MVB12B: variants seen among roughly 807,000 people sequenced by gnomAD.
MVB12B encodes the protein ESCRT-I complex subunit MVB12B.
In MVB12B, 16 loss-of-function variants were observed where a neutral mutation model predicts 41.6. The ratio of observed to expected loss-of-function variants is 0.38; its 90% CI spans 0.26 to 0.58. The LOEUF is 0.58. Ranked by LOEUF, MVB12B falls within the 20% of genes least tolerant of loss-of-function variation. The pLI is 0.62. For synonymous variants in MVB12B, 133 were observed against 139.7 expected (o/e 0.95, Z 0.34); for missense variants, 274 against 380.2 (o/e 0.72, Z 2.32).
At chr9:126,498,069 G>A (rs1203245116) in intron 9 of MVB12B, among the ~76,000 whole-genome samples, 1 of 152,208 alleles carries the variant, frequency 6.6e-6, no homozygotes, top group Admixed American at 6.5e-5. Flanking sequence ...TGGGCACTGT[G>A]CTGGGCCCTG....
intron 2 of MVB12B, among the ~76,000 whole-genome samples, chr9:126,370,177 G>C (rs1442462670): frequency 6.6e-6 from 1 of 152,016 alleles, no homozygotes; most frequent in Non-Finnish European, 1.5e-5. Context: ...TTTCTCTAGG[G>C]AACAAGTTAG....
At chr9:126,449,352 T>G (rs1272067969) in intron 7 of MVB12B, among the ~76,000 whole-genome samples, 2 of 152,160 alleles carry the variant, frequency 1.3e-5, no homozygotes, top group Non-Finnish European at 2.9e-5. Context: ...AGAACCATCC[T>G]GGCAGATGGC....
rs1175397537 is a variant in MVB12B at position 126,459,319 on chromosome 9, T to C, written c.758-22050T>C. Reference sequence around the variant, plus strand: ...CTCTCTGAGTCATAAAACAGGCCAATTGTGTTTTTCTTAGGGGACTGTGAC... The same window carrying C: ...CTCTCTGAGTCATAAAACAGGCCAACTGTGTTTTTCTTAGGGGACTGTGAC... On this transcript the variant is annotated intron_variant, in intron 7 of 9. Transcript: ENST00000361171. The surrounding 1 kb of genome is among the most constrained non-coding windows in gnomAD (Gnocchi z 4.3). Among the ~76,000 whole-genome samples, 2 of 152,076 alleles carry C rather than the reference T, an allele frequency of 1.3e-5. No homozygotes were observed. The highest frequency in any genetic ancestry group is 4.8e-5 in the African/African-American group (2 of 41,400).
intron 3 of MVB12B, among the ~76,000 whole-genome samples, chr9:126,383,075 C>T (rs142763676): frequency 7.4e-4 from 113 of 152,190 alleles, no homozygotes; most frequent in Middle Eastern, 3.4e-3. Context: ...TCCAAACGAT[C>T]GAGTACCAGC....
intron 6 of MVB12B, among the ~76,000 whole-genome samples, chr9:126,414,456 AT>A (rs1831749234): frequency 6.6e-6 from 1 of 152,136 alleles, no homozygotes; most frequent in Non-Finnish European, 1.5e-5. Context: ...CTCCCCGAGG[AT>A]TTAGGGACTG....
intron 7 of MVB12B, among the ~76,000 whole-genome samples, chr9:126,477,550 G>A (rs1211422143): frequency 6.6e-6 from 1 of 152,144 alleles, no homozygotes; most frequent in East Asian, 1.9e-4. Context: ...GAGGAGCAAA[G>A]GCATGCCTTA....
chr9:126,408,864 C>G (rs1258969067), intron 6 of MVB12B, among the ~76,000 whole-genome samples: 1 of 152,134 alleles, frequency 6.6e-6, no homozygotes, highest in Non-Finnish European at 1.5e-5. Flanking sequence ...GTTCTAAATG[C>G]TATCATTGAG....
In MVB12B at chr9:126,392,275, G is replaced by T; in HGVS notation, c.539+80G>T. On this transcript the variant is annotated intron_variant, in intron 5 of 9. Coordinates refer to ENST00000361171, the MANE Select transcript of MVB12B (RefSeq NM_033446.3). The surrounding 1 kb of genome is among the most constrained non-coding windows in gnomAD (Gnocchi z 4.8). ...CCACTCCAGGCAATGAGGTCCAAGA[G>T]ATTTCCATGCAGCCCCCCAGGCTCT... 6.5e-7 allele frequency: 1 copy of T among 1,535,398 alleles called. No homozygotes were observed. Among genetic ancestry groups the T allele is most frequent in the Non-Finnish European group, 8.9e-7 (1 of 1,118,434 alleles).
At chr9:126,380,156 G>GGGA (rs1362035143) in intron 2 of MVB12B, among the ~76,000 whole-genome samples, 1 of 152,178 alleles carries the variant, frequency 6.6e-6, no homozygotes, top group African/African-American at 2.4e-5. Context: ...TGCTCTCAGA[G>GGGA]GGAGGCTGAG....
At chr9:126,427,371 T>C (rs1468679) in intron 7 of MVB12B, among the ~76,000 whole-genome samples, 151,487 of 152,192 alleles carry the variant, frequency 1, 75,400 homozygotes, top group Middle Eastern at 1. Flanking sequence ...AGATCTTCCC[T>C]GACCCCCTGC....
chr9:126,425,297 T>C (rs1832143132), intron 7 of MVB12B, among the ~76,000 whole-genome samples: 1 of 152,178 alleles, frequency 6.6e-6, no homozygotes, highest in African/African-American at 2.4e-5. Context: ...AAAAATTAAT[T>C]TTTTAAAATT....
At chr9:126,393,846 TG>T (rs1031186785) in intron 5 of MVB12B, among the ~76,000 whole-genome samples, 17 of 152,254 alleles carry the variant, frequency 1.1e-4, no homozygotes, top group African/African-American at 4.1e-4. Context: ...CCTCGGCTTC[TG>T]AGGCCAGCCT....
rs1425944000 is a variant in MVB12B at position 126,422,054 on chromosome 9, C to T, written c.757+106C>T. ...CGTGGGATCTGTCTGCCTTACCTCT[C>T]TTTTCTTCCCTGCAGGGGACCTGTT... On this transcript the variant is annotated intron_variant, in intron 7 of 9. Transcript: ENST00000361171. The T allele has an allele frequency of 3.7e-6, 3 of 803,998 alleles. No individual in the cohort carries two copies. In the Admixed American group the frequency reaches 5.8e-5, roughly 16 times the overall value. The allele number at this position is 803,998 out of a possible 1,614,324, so 49.8% of individuals were successfully genotyped here.
chr9:126,486,030 ATTG>A lies in MVB12B; in HGVS notation c.873+1999_873+2001del, dbSNP rs1160237552. Among the ~76,000 whole-genome samples, 3 of 152,196 alleles carry A rather than the reference ATTG, an allele frequency of 2.0e-5. No individual in the cohort carries two copies. The highest frequency in any genetic ancestry group is 7.2e-5 in the African/African-American group (3 of 41,450). ...CCAGCTAGCAGAAGCCGGCTGCATT[ATTG>A]AAAGATGGCTGAAATCAAGCAAAAT... On this transcript the variant is annotated intron_variant, in intron 9 of 9. Transcript: ENST00000361171. The surrounding 1 kb of genome is among the most constrained non-coding windows in gnomAD (Gnocchi z 4.7).
At chr9:126,450,005 GTT>G (rs1274926848) in intron 7 of MVB12B, among the ~76,000 whole-genome samples, 3 of 152,188 alleles carry the variant, frequency 2.0e-5, no homozygotes, top group African/African-American at 7.2e-5. Flanking sequence ...TCCACTCTTA[GTT>G]TTAAGTTGCT....
At chr9:126,488,896 G>A (rs1033868854) in intron 9 of MVB12B, among the ~76,000 whole-genome samples, 3 of 152,194 alleles carry the variant, frequency 2.0e-5, no homozygotes, top group East Asian at 3.8e-4. Context: ...CCAACAAACC[G>A]TGTGACCCTG....
At position 126,395,455 on chromosome 9, in the gene MVB12B, C is replaced by A; in HGVS notation, c.540-120C>A. 1 of 1,224,990 alleles carries A rather than the reference C, an allele frequency of 8.2e-7. No homozygotes were observed. The highest frequency in any genetic ancestry group is 1.2e-6 in the Non-Finnish European group (1 of 860,384). The allele number at this position is 1,224,990 out of a possible 1,614,324, so 75.9% of individuals were successfully genotyped here. ...GGTGGAACCCATTTCACGTGGAGGG[C>A]AAGAATTGATTCCCTGGTGTTTGAG... On this transcript the variant is annotated intron_variant, in intron 5 of 9. Coordinates refer to ENST00000361171, the MANE Select transcript of MVB12B (RefSeq NM_033446.3). The surrounding 1 kb of genome is among the most constrained non-coding windows in gnomAD (Gnocchi z 4.9).
chr9:126,340,033 C>T lies in MVB12B; in HGVS notation c.82-475C>T, dbSNP rs1332695789. 6.6e-6 allele frequency among the ~76,000 whole-genome samples: 1 copy of T among 152,206 alleles called. No homozygotes were observed. Among genetic ancestry groups the T allele is most frequent in the Non-Finnish European group, 1.5e-5 (1 of 68,040 alleles). The stretch of plus-strand genomic sequence containing the variant: ...ACTTATTTCTGTGTTTGCAACATTC[C>T]TTGCTTCTTTGCAAAGCTCTGCGTG... On this transcript the variant is annotated intron_variant, in intron 1 of 9. Coordinates refer to ENST00000361171, the MANE Select transcript of MVB12B (RefSeq NM_033446.3). This position sits in a 1 kb window ranked among gnomAD's most constrained non-coding sequence, Gnocchi z 4.0.
intron 1 of MVB12B, among the ~76,000 whole-genome samples, chr9:126,334,541 C>G (rs762879201): frequency 1.1e-4 from 16 of 152,230 alleles, no homozygotes; most frequent in Non-Finnish European, 1.9e-4. Context: ...GTATGAGCAC[C>G]GTGCCCATCA....
Sources: gnomAD v4.1 joint callset for allele counts (sites outside exome capture counted in the v4.1 genomes callset) on GRCh38, gnomAD v4.1.1 for gene constraint, Gnocchi (gnomAD v3.1) non-coding constraint, MANE v1.5 for transcripts, NCBI Gene and HGNC (gene_info 2026-07-23, HGNC 2026-07-21) for gene names.